The following ANKRD33B variants were observed in gnomAD, a reference collection of about 807,000 sequenced individuals.
The protein encoded by ANKRD33B is ankyrin repeat domain 33B.
ANKRD33B carries 6 observed loss-of-function variants against 21.5 expected under a neutral mutation model. The observed-to-expected ratio is 0.28, with a 90% confidence interval of 0.15 to 0.55. The LOEUF (loss-of-function observed/expected upper bound fraction) is 0.55. Ranked by LOEUF, ANKRD33B falls within the 20% of genes least tolerant of loss-of-function variation. The pLI, the probability that ANKRD33B is intolerant of heterozygous loss-of-function variation, is 0.94. For synonymous variants in ANKRD33B, 347 were observed against 342.4 expected (o/e 1.01, Z -0.15); for missense variants, 698 against 747.2 (o/e 0.93, Z 0.77).
rs531112925 is a variant in ANKRD33B at position 10,601,526 on chromosome 5, C to T, written c.367-16807C>T. ...TCTGTGCTCCCACCATCCTCTGGGCCGAGCCTGGCATTCTCATTGTTTACT... is the reference window on the plus strand; with the variant it reads ...TCTGTGCTCCCACCATCCTCTGGGCTGAGCCTGGCATTCTCATTGTTTACT... On this transcript the variant is annotated intron_variant, in intron 1 of 3. Transcript: ENST00000296657. 6.4e-4 allele frequency among the ~76,000 whole-genome samples: 97 copies of T among 152,350 alleles called. 1 individual carries two copies. Among genetic ancestry groups the T allele is most frequent in the African/African-American group, 2.1e-3 (87 of 41,586 alleles).
chr5:10,610,633 A>G (rs1736150562), intron 1 of ANKRD33B, among the ~76,000 whole-genome samples: 1 of 152,258 alleles, frequency 6.6e-6, no homozygotes, highest in African/African-American at 2.4e-5. Flanking sequence ...GTCACGATGC[A>G]TTTGCCAGTG....
chr5:10,624,626 A>G, intron 2 of ANKRD33B: 1 of 403,704 alleles, frequency 2.5e-6, no homozygotes, highest in Admixed American at 2.9e-5. Context: ...GGGACTTTAC[A>G]CCATTTAAAC....
At chr5:10,624,723 A>G in intron 2 of ANKRD33B, 1 of 455,660 alleles carries the variant, frequency 2.2e-6, no homozygotes, top group South Asian at 1.6e-5. Context: ...CTGAACCTCC[A>G]GGGGCTGCCC....
At chr5:10,584,748 A>G (rs1735517732) in intron 1 of ANKRD33B, among the ~76,000 whole-genome samples, 1 of 152,190 alleles carries the variant, frequency 6.6e-6, no homozygotes, top group African/African-American at 2.4e-5. Context: ...AGTGGAGCTT[A>G]CGTGATTTTG....
intron 1 of ANKRD33B, among the ~76,000 whole-genome samples, chr5:10,578,167 A>G (rs1026465209): frequency 1.3e-5 from 2 of 152,240 alleles, no homozygotes; most frequent in East Asian, 3.8e-4. Context: ...TGATCAGCTC[A>G]TTCTAGTTTG....
Position 10,570,901 on chromosome 5 carries a change from AC to A in ANKRD33B, c.366+6070del, listed in dbSNP as rs1251424333. On this transcript the variant is annotated intron_variant, in intron 1 of 3. Coordinates refer to ENST00000296657, the MANE Select transcript of ANKRD33B (RefSeq NM_001164440.2). Reference sequence around the variant, plus strand: ...ATTCTTTAACAACATGACTCAAATAACCTTTTTTTTTTTTTTTTTTGTCAAT... The same window carrying A: ...ATTCTTTAACAACATGACTCAAATAACTTTTTTTTTTTTTTTTTTGTCAAT... Among the ~76,000 whole-genome samples, 3 of 126,054 alleles carry A rather than the reference AC, an allele frequency of 2.4e-5. No homozygotes were observed. In the East Asian group the frequency reaches 8.0e-4, roughly 34 times the overall value. 82.7% of individuals were successfully genotyped at this position (126,054 alleles called of 152,430 possible). A position where few individuals can be genotyped will look rare whatever the true frequency, so the allele number is the denominator to read the frequency against.
intron 1 of ANKRD33B, among the ~76,000 whole-genome samples, chr5:10,617,865 T>C (rs1376105529): frequency 6.6e-6 from 1 of 152,158 alleles, no homozygotes; most frequent in Non-Finnish European, 1.5e-5. Flanking sequence ...CATTTTCCCC[T>C]CTCTGTGTCC....
intron 1 of ANKRD33B, among the ~76,000 whole-genome samples, chr5:10,582,398 G>A (rs977703007): frequency 6.6e-6 from 1 of 152,144 alleles, no homozygotes; most frequent in African/African-American, 2.4e-5. Context: ...CCAAGCGGGG[G>A]GGATGTCCAC....
intron 2 of ANKRD33B, among the ~76,000 whole-genome samples, chr5:10,620,782 T>C (rs1476455764): frequency 6.6e-6 from 1 of 152,238 alleles, no homozygotes; most frequent in Non-Finnish European, 1.5e-5. Context: ...TGTCCTGGTG[T>C]GGGTGATGCT....
intron 2 of ANKRD33B, chr5:10,627,885 T>A (rs948638871): frequency 7.2e-5 from 11 of 152,238 alleles, no homozygotes; most frequent in African/African-American, 2.7e-4. Context: ...CCAGGAGGGC[T>A]CCTCAGCCAG....
chr5:10,627,513 G>A (rs1736582953), intron 2 of ANKRD33B: 1 of 152,252 alleles, frequency 6.6e-6, no homozygotes, highest in African/African-American at 2.4e-5. Context: ...GACAGAACGG[G>A]AGGGATTCTC....
At chr5:10,605,196 A>G (rs1736019764) in intron 1 of ANKRD33B, among the ~76,000 whole-genome samples, 1 of 152,230 alleles carries the variant, frequency 6.6e-6, no homozygotes. Flanking sequence ...CCTGCAATCC[A>G]GGAGACCAGG....
At chr5:10,586,159 C>T (rs1441610663) in intron 1 of ANKRD33B, among the ~76,000 whole-genome samples, 1 of 151,816 alleles carries the variant, frequency 6.6e-6, no homozygotes, top group African/African-American at 2.4e-5. Context: ...CTTCAGGACA[C>T]GTGAGGAATT....
intron 1 of ANKRD33B, among the ~76,000 whole-genome samples, chr5:10,615,800 G>A (rs1736270853): frequency 6.6e-6 from 1 of 152,210 alleles, no homozygotes; most frequent in Non-Finnish European, 1.5e-5. Context: ...ATCCAAAGAA[G>A]TTAAAAATGA....
chr5:10,584,515 A>G (rs1021037350), intron 1 of ANKRD33B, among the ~76,000 whole-genome samples: 9 of 152,308 alleles, frequency 5.9e-5, no homozygotes, highest in South Asian at 2.1e-4. Flanking sequence ...ACTGCATTCC[A>G]GCCTGGGAGA....
At chr5:10,646,913 G>A (rs1737199514) in intron 3 of ANKRD33B, among the ~76,000 whole-genome samples, 1 of 152,188 alleles carries the variant, frequency 6.6e-6, no homozygotes, top group Non-Finnish European at 1.5e-5. Flanking sequence ...GGCAGTGGCT[G>A]GGGACCCGAC....
intron 2 of ANKRD33B, among the ~76,000 whole-genome samples, chr5:10,627,014 C>T (rs947445990): frequency 6.6e-5 from 10 of 152,200 alleles, no homozygotes; most frequent in Admixed American, 2.0e-4. Flanking sequence ...TTTATGAGTA[C>T]GAATTCGGAT....
intron 2 of ANKRD33B, among the ~76,000 whole-genome samples, chr5:10,629,426 G>C (rs1484345592): frequency 6.6e-6 from 1 of 152,196 alleles, no homozygotes; most frequent in African/African-American, 2.4e-5. Flanking sequence ...TGGAGGGCTT[G>C]AGACTGAGTC....
rs1489499813 is a variant in ANKRD33B, at chr5:10,649,769, G to A, written c.1141G>A (p.Gly381Ser). 3 of 1,406,914 alleles carry A rather than the reference G, an allele frequency of 2.1e-6. No individual in the cohort carries two copies. In the African/African-American group the frequency reaches 4.5e-5, roughly 21 times the overall value. 87.2% of individuals were successfully genotyped at this position (1,406,914 alleles called of 1,614,324 possible). Residue 381 changes from glycine (G) to serine (S), a missense_variant, in exon 4 of 4, where the codon GGC (glycine) becomes AGC (serine). Gly to Ser is a moderately conservative substitution (Grantham distance 56). Coordinates refer to ENST00000296657, the MANE Select transcript of ANKRD33B (RefSeq NM_001164440.2). ...ACAGGAGGACGCGGACTCCCGGGAG[G>A]GCTCCCCGAGAGCCGGCCTCCCTCC... ...TGQEDADSRE[G>S]SPRAGLPPAL...
Sources: allele counts gnomAD v4.1 joint callset (sites outside exome capture counted in the v4.1 genomes callset), GRCh38; gene constraint gnomAD v4.1.1; transcripts MANE v1.5; gene names NCBI Gene and HGNC (gene_info 2026-07-23, HGNC 2026-07-21).